Variants in WWOX observed in about 807,000 individuals in gnomAD.
WWOX encodes WW domain-containing oxidoreductase.
Under a neutral mutation model 46.2 loss-of-function variants are expected in WWOX, and 69 were observed. The ratio of observed to expected loss-of-function variants is 1.49; its 90% CI spans 1.23 to 1.82. The LOEUF (loss-of-function observed/expected upper bound fraction) is 1.82, where lower values mean the gene tolerates loss of function less well. Ranked by LOEUF, WWOX falls within the 40% of genes most tolerant of loss-of-function variation. The pLI is 0.00. For synonymous variants in WWOX, 359 were observed against 202.6 expected, an observed-to-expected ratio of 1.77 and a Z score of -6.56; for missense variants, 919 against 542.6, an observed-to-expected ratio of 1.69 and a Z score of -6.89.
chr16:78,202,515 A>G (rs2036263991), intron 5 of WWOX, among the ~76,000 whole-genome samples: 2 of 152,016 alleles, frequency 1.3e-5, no homozygotes, highest in Admixed American at 6.6e-5. Context: ...TGTAACCATC[A>G]CATTCATTGA....
intron 8 of WWOX, among the ~76,000 whole-genome samples, chr16:78,516,701 C>T (rs1255664474): frequency 1.3e-5 from 2 of 152,180 alleles, no homozygotes; most frequent in Non-Finnish European, 2.9e-5. Context: ...AGGCAAAAGT[C>T]CAGCTGAAAT....
intron 8 of WWOX, among the ~76,000 whole-genome samples, chr16:78,842,101 C>G (rs1473079084): frequency 2.0e-5 from 3 of 152,098 alleles, no homozygotes; most frequent in African/African-American, 7.2e-5. Context: ...GTGTTTTGAA[C>G]TGAGATTAGA....
chr16:79,193,260 G>A (rs536676157), intron 8 of WWOX, among the ~76,000 whole-genome samples: 1 of 152,332 alleles, frequency 6.6e-6, no homozygotes, highest in East Asian at 1.9e-4. Flanking sequence ...TGGGGGCCCT[G>A]TAAAATGACC....
chr16:78,383,190 G>C (rs2081992010), intron 5 of WWOX, among the ~76,000 whole-genome samples: 1 of 151,948 alleles, frequency 6.6e-6, no homozygotes, highest in South Asian at 2.1e-4. Flanking sequence ...GATTTGGGTA[G>C]GGACACAGAG....
In WWOX at chr16:78,179,727, G is replaced by A. The variant is rs535170201; in HGVS notation, c.516+15438G>A. 5.3e-5 allele frequency: 8 copies of A among 152,328 alleles called. No individual in the cohort carries two copies. The East Asian group carries it at 1.3e-3, about 26-fold the overall frequency. 9.4% of individuals were successfully genotyped at this position (152,328 alleles called of 1,614,324 possible). A position where few individuals can be genotyped will look rare whatever the true frequency, so the allele number is the denominator to read the frequency against. ...TTTCAGATGAAAGACTGAGTCTTAG[G>A]GAACAAACAGCCGAGAGATGAAATG... On this transcript the variant is annotated intron_variant, in intron 5 of 8. Coordinates refer to ENST00000566780, the MANE Select transcript of WWOX (RefSeq NM_016373.4).
At chr16:78,535,192 T>G (rs988878765) in intron 8 of WWOX, 4 of 152,238 alleles carry the variant, frequency 2.6e-5, no homozygotes, top group African/African-American at 9.6e-5. Flanking sequence ...AGGCTGCAGA[T>G]GGACACAGGA....
At chr16:78,891,071 A>C (rs1597113276) in intron 8 of WWOX, 1 of 152,220 alleles carries the variant, frequency 6.6e-6, no homozygotes, top group Non-Finnish European at 1.5e-5. Context: ...AGTGAATAAA[A>C]AGTGATCCTG....
intron 8 of WWOX, among the ~76,000 whole-genome samples, chr16:79,092,301 C>A (rs1226953520): frequency 6.6e-6 from 1 of 152,122 alleles, no homozygotes; most frequent in Non-Finnish European, 1.5e-5. Context: ...AGAGGGGAAG[C>A]CTTTGGGAGC....
chr16:78,647,236 G>C (rs1172570599), intron 8 of WWOX, among the ~76,000 whole-genome samples: 1 of 152,114 alleles, frequency 6.6e-6, no homozygotes. Context: ...CATGGATCAG[G>C]ACAGAGGGCA....
chr16:78,911,514 C>A (rs1164958665), intron 8 of WWOX, among the ~76,000 whole-genome samples: 1 of 151,830 alleles, frequency 6.6e-6, no homozygotes, highest in East Asian at 1.9e-4. Context: ...ATGGACAATT[C>A]TTTTGGTAAT....
At chr16:78,244,507 C>G (rs1488855842) in intron 5 of WWOX, among the ~76,000 whole-genome samples, 1 of 152,200 alleles carries the variant, frequency 6.6e-6, no homozygotes, top group Non-Finnish European at 1.5e-5. Context: ...GGTCTTGCCA[C>G]ATTGCATCTC....
chr16:78,331,250 T>C (rs1483662609), intron 5 of WWOX, among the ~76,000 whole-genome samples: 1 of 152,224 alleles, frequency 6.6e-6, no homozygotes, highest in Non-Finnish European at 1.5e-5. Context: ...TTTCTTGCAT[T>C]TGTTACTAAA....
chr16:78,447,377 A>G (rs542492807), intron 8 of WWOX, among the ~76,000 whole-genome samples: 21 of 152,374 alleles, frequency 1.4e-4, no homozygotes, highest in African/African-American at 4.8e-4. Context: ...TAGAATTTCT[A>G]CATCCTGCAG....
intron 8 of WWOX, among the ~76,000 whole-genome samples, chr16:79,197,700 G>A (rs1234020555): frequency 6.6e-6 from 1 of 152,116 alleles, no homozygotes; most frequent in East Asian, 1.9e-4. Flanking sequence ...CATATTGCTT[G>A]GTAATTTATT....
chr16:79,018,331 C>G (rs959741741), intron 8 of WWOX, among the ~76,000 whole-genome samples: 9 of 152,172 alleles, frequency 5.9e-5, no homozygotes, highest in African/African-American at 1.9e-4. Flanking sequence ...CCTACTCATG[C>G]TTTGGAGCCA....
chr16:78,144,275 T>C, intron 4 of WWOX, among the ~76,000 whole-genome samples: 1 of 150,802 alleles, frequency 6.6e-6, no homozygotes. Context: ...TTATTCTATT[T>C]AGTCTTCAGT....
intron 8 of WWOX, among the ~76,000 whole-genome samples, chr16:78,895,131 G>C (rs1449122725): frequency 1.3e-5 from 2 of 152,184 alleles, no homozygotes; most frequent in African/African-American, 4.8e-5. Context: ...ATATGCTAAA[G>C]TGTAATATCC....
intron 8 of WWOX, chr16:78,898,053 G>A (rs2044742536): frequency 6.6e-6 from 1 of 151,358 alleles, no homozygotes; most frequent in African/African-American, 2.4e-5. Context: ...TATATATTTT[G>A]GATACATTCT....
chr16:78,356,929 T>C (rs760092916), intron 5 of WWOX, among the ~76,000 whole-genome samples: 7 of 152,082 alleles, frequency 4.6e-5, no homozygotes, highest in Admixed American at 1.3e-4. Context: ...TTATATGAGA[T>C]CTTCACCCAA....
Sources: allele counts gnomAD v4.1 joint callset (sites outside exome capture counted in the v4.1 genomes callset), GRCh38; gene constraint gnomAD v4.1.1; transcripts MANE v1.5; gene names NCBI Gene and HGNC (gene_info 2026-07-23, HGNC 2026-07-21).